APBA1: variants seen among roughly 807,000 people sequenced by gnomAD.
APBA1 encodes the protein amyloid-beta A4 precursor protein-binding family A member 1.
A neutral mutation model predicts 86.6 loss-of-function variants in APBA1; 55 were observed. That is an observed-to-expected ratio of 0.64 (90% CI 0.51 to 0.80). The LOEUF (loss-of-function observed/expected upper bound fraction) is 0.80. Ranked by LOEUF, APBA1 falls within the 30% of genes least tolerant of loss-of-function variation. APBA1 has a pLI of 0.00. For missense variants in APBA1, 1,090 were observed against 1,183.0 expected, an observed-to-expected ratio of 0.92 and a Z score of 1.15; for synonymous variants, 511 against 493.9, an observed-to-expected ratio of 1.03 and a Z score of -0.46.
intron 1 of APBA1, among the ~76,000 whole-genome samples, chr9:69,523,367 G>C (rs893157718): frequency 6.6e-6 from 1 of 151,138 alleles, no homozygotes; most frequent in Non-Finnish European, 1.5e-5. Flanking sequence ...TTAACACAGA[G>C]AGAAGTTTGT....
intron 1 of APBA1, among the ~76,000 whole-genome samples, chr9:69,565,211 G>T (rs1318624413): frequency 1.3e-5 from 2 of 152,070 alleles, no homozygotes; most frequent in Non-Finnish European, 2.9e-5. Flanking sequence ...GCACTCATTT[G>T]TTATCTGGGA....
chr9:69,660,540 C>T lies in APBA1; in HGVS notation c.-70+11613G>A, dbSNP rs140969264. On this transcript the variant is annotated intron_variant, in intron 1 of 12. Transcript: ENST00000265381. The stretch of plus-strand genomic sequence containing the variant: ...TGTTTGCTTTTCCTCTCTGTCCTCC[C>T]TGACATTCTTTTCCTTTTATGGTTA... Among the ~76,000 whole-genome samples, 8 of 152,290 alleles carry T rather than the reference C, an allele frequency of 5.3e-5. No individual in the cohort carries two copies. In the East Asian group the frequency reaches 1.3e-3, roughly 26 times the overall value.
chr9:69,503,337 C>T (rs1278395588), intron 2 of APBA1, among the ~76,000 whole-genome samples: 1 of 152,022 alleles, frequency 6.6e-6, no homozygotes, highest in Non-Finnish European at 1.5e-5. Context: ...CCCTCCCATG[C>T]CATGGTCCCG....
At chr9:69,568,680 G>A (rs890888578) in intron 1 of APBA1, among the ~76,000 whole-genome samples, 1 of 152,158 alleles carries the variant, frequency 6.6e-6, no homozygotes, top group Admixed American at 6.5e-5. Flanking sequence ...AAATCCACAT[G>A]TTCAATGGAA....
chr9:69,615,218 C>G (rs953073225), intron 1 of APBA1, among the ~76,000 whole-genome samples: 2 of 152,120 alleles, frequency 1.3e-5, no homozygotes, highest in African/African-American at 4.8e-5. Context: ...AAATAAGAGA[C>G]AATTTTTCTC....
rs924818900 is a variant in APBA1, at chr9:69,430,216, C to T, written c.*1111G>A. 1 of 152,282 alleles carries T rather than the reference C, an allele frequency of 6.6e-6. No homozygotes were observed. The highest frequency in any genetic ancestry group is 2.4e-5 in the African/African-American group (1 of 41,464). The allele number at this position is 152,282 out of a possible 1,614,324, so 9.4% of individuals were successfully genotyped here. A position where few individuals can be genotyped will look rare whatever the true frequency, so the allele number is the denominator to read the frequency against. ...GAGCAGAGAAGAAAGTTGGTCTTGC[C>T]TTGGGCCAGAAAACAAGACGCAATT... On this transcript the variant is annotated 3_prime_UTR_variant, in exon 13 of 13. Transcript: ENST00000265381.
intron 2 of APBA1, among the ~76,000 whole-genome samples, chr9:69,491,016 A>G (rs1407481135): frequency 6.6e-6 from 1 of 152,170 alleles, no homozygotes; most frequent in East Asian, 1.9e-4. Context: ...GGGACTGTAA[A>G]TTAGTTCAAC....
intron 10 of APBA1, among the ~76,000 whole-genome samples, chr9:69,447,695 G>A (rs1487445528): frequency 6.6e-6 from 1 of 152,150 alleles, no homozygotes; most frequent in African/African-American, 2.4e-5. Context: ...ACATCATCTT[G>A]CTGTGCCTCA....
intron 1 of APBA1, among the ~76,000 whole-genome samples, chr9:69,577,198 G>A (rs1821820576): frequency 6.6e-6 from 1 of 152,122 alleles, no homozygotes; most frequent in Non-Finnish European, 1.5e-5. Flanking sequence ...ATCCTACAAT[G>A]GTATAGAAGA....
chr9:69,656,907 G>T (rs150799288), intron 1 of APBA1, among the ~76,000 whole-genome samples: 1 of 148,942 alleles, frequency 6.7e-6, no homozygotes, highest in Admixed American at 6.7e-5. Context: ...CTGCAGTGGC[G>T]CTGTCTTGGC....
intron 1 of APBA1, among the ~76,000 whole-genome samples, chr9:69,671,146 A>G (rs1823940929): frequency 6.6e-6 from 1 of 152,134 alleles, no homozygotes; most frequent in South Asian, 2.1e-4. Flanking sequence ...GTGGAAGGAG[A>G]AGGTCTAGCT....
intron 2 of APBA1, among the ~76,000 whole-genome samples, chr9:69,496,752 A>G (rs1280586888): frequency 6.6e-6 from 1 of 151,882 alleles, no homozygotes; most frequent in Non-Finnish European, 1.5e-5. Flanking sequence ...AATTATTTAA[A>G]GAGAGAAAAT....
chr9:69,453,109 G>A (rs1228476201), intron 8 of APBA1, among the ~76,000 whole-genome samples: 1 of 152,118 alleles, frequency 6.6e-6, no homozygotes, highest in African/African-American at 2.4e-5. Flanking sequence ...AATACATATT[G>A]TAATATGGTT....
rs1299594275 is a variant in APBA1 at position 69,431,099 on chromosome 9, T to A, written c.*228A>T. On this transcript the variant is annotated 3_prime_UTR_variant, in exon 13 of 13. Coordinates refer to ENST00000265381, the MANE Select transcript of APBA1 (RefSeq NM_001163.4). ...TCAGTACCAGGTGGGTGCTGGCTGC[T>A]CTCCATCCTCAAGGGAGTGCATACG... 2 of 452,154 alleles carry A rather than the reference T, an allele frequency of 4.4e-6. No homozygotes were observed. Among genetic ancestry groups the A allele is most frequent in the East Asian group, 7.6e-5 (2 of 26,278 alleles). The allele number at this position is 452,154 out of a possible 1,614,324, so 28.0% of individuals were successfully genotyped here. A position where few individuals can be genotyped will look rare whatever the true frequency, so the allele number is the denominator to read the frequency against.
At chr9:69,446,590 T>C (rs182359970) in intron 10 of APBA1, among the ~76,000 whole-genome samples, 1 of 152,358 alleles carries the variant, frequency 6.6e-6, no homozygotes, top group East Asian at 1.9e-4. Flanking sequence ...TGCTTCCACC[T>C]TGATGCTGTG....
chr9:69,491,068 C>A (rs1283593095), intron 2 of APBA1, among the ~76,000 whole-genome samples: 1 of 152,090 alleles, frequency 6.6e-6, no homozygotes, highest in African/African-American at 2.4e-5. Flanking sequence ...GGATCTAGAA[C>A]TAGAAATACC....
intron 1 of APBA1, among the ~76,000 whole-genome samples, chr9:69,583,623 T>C (rs551769916): frequency 6.6e-6 from 1 of 152,350 alleles, no homozygotes; most frequent in South Asian, 2.1e-4. Context: ...TTTAAAATGT[T>C]AAAAATCATC....
At chr9:69,608,088 C>A (rs970542471) in intron 1 of APBA1, among the ~76,000 whole-genome samples, 1 of 152,210 alleles carries the variant, frequency 6.6e-6, no homozygotes, top group East Asian at 1.9e-4. Flanking sequence ...AATAGATTAT[C>A]ACGTTTACTT....
intron 11 of APBA1, among the ~76,000 whole-genome samples, chr9:69,434,738 AT>A (rs1405795763): frequency 6.6e-6 from 1 of 151,470 alleles, no homozygotes; most frequent in East Asian, 1.9e-4. Flanking sequence ...GCCATGCTAC[AT>A]TTTTTTAAAG....
Sources: allele counts gnomAD v4.1 joint callset (sites outside exome capture counted in the v4.1 genomes callset), GRCh38; gene constraint gnomAD v4.1.1; transcripts MANE v1.5; gene names NCBI Gene and HGNC (gene_info 2026-07-23, HGNC 2026-07-21).